PPFIA2: variants seen among roughly 807,000 people sequenced by gnomAD.
The protein encoded by PPFIA2 is liprin-alpha-2.
PPFIA2 carries 46 observed loss-of-function variants against 175.5 expected under a neutral mutation model. The ratio of observed to expected loss-of-function variants is 0.26; its 90% CI spans 0.21 to 0.34. PPFIA2 has a LOEUF of 0.34. Ranked by LOEUF, PPFIA2 falls within the 10% of genes least tolerant of loss-of-function variation. The probability of loss-of-function intolerance (pLI) is 1.00; values close to 1 mark genes in which losing one functional copy is unlikely to be tolerated. For missense variants in PPFIA2, 1,179 were observed against 1,506.1 expected, an observed-to-expected ratio of 0.78 and a Z score of 3.60; for synonymous variants, 568 against 511.4, an observed-to-expected ratio of 1.11 and a Z score of -1.49.
intron 4 of PPFIA2, among the ~76,000 whole-genome samples, chr12:81,484,046 T>C (rs929191153): frequency 1.3e-5 from 2 of 151,986 alleles, no homozygotes; most frequent in Non-Finnish European, 2.9e-5. Flanking sequence ...GCTGTATTCT[T>C]AAAGGACACT....
chr12:81,365,699 T>C (rs1175380894), intron 14 of PPFIA2, among the ~76,000 whole-genome samples: 1 of 151,730 alleles, frequency 6.6e-6, no homozygotes, highest in East Asian at 1.9e-4. Flanking sequence ...TTTATGAAGA[T>C]CATATATGTC....
rs187102557 is a variant in PPFIA2 at position 81,466,514 on chromosome 12, T to C, written c.304-8648A>G. On this transcript the variant is annotated intron_variant, in intron 4 of 32. Coordinates refer to ENST00000549396, the MANE Select transcript of PPFIA2 (RefSeq NM_003625.5). ...TGTCTGTCCATCAAGCCATGAATCA[T>C]TCACTATGCTCCTACTGAAACGTAC... Among the ~76,000 whole-genome samples, 425 of 152,282 alleles carry C rather than the reference T, an allele frequency of 2.8e-3. 12 individuals are homozygous for C. The highest frequency in any genetic ancestry group is 0.024 in the Admixed American group (368 of 15,290).
In PPFIA2 at chr12:81,305,854, C is replaced by A. The variant is rs76820936; in HGVS notation, c.2643-6472G>T. ...TTTGTTAGTGTTTATATTTGCAATT[C>A]TGAAAAATGAAATTCATTAGTTACT... On this transcript the variant is annotated intron_variant, in intron 22 of 32. Coordinates refer to ENST00000549396, the MANE Select transcript of PPFIA2 (RefSeq NM_003625.5). 7.9e-3 allele frequency among the ~76,000 whole-genome samples: 1,197 copies of A among 152,252 alleles called. 75 individuals are homozygous for A. The East Asian group carries it at 0.15, about 20-fold the overall frequency.
chr12:81,674,326 T>C (rs1014588768), intron 4 of PPFIA2, among the ~76,000 whole-genome samples: 5 of 152,088 alleles, frequency 3.3e-5, no homozygotes, highest in Non-Finnish European at 7.4e-5. Context: ...AACATCATCA[T>C]AGAATGGTTT....
intron 3 of PPFIA2, among the ~76,000 whole-genome samples, chr12:81,739,221 A>T (rs2082034337): frequency 6.6e-6 from 1 of 152,048 alleles, no homozygotes; most frequent in Non-Finnish European, 1.5e-5. Context: ...AAAAAAACAA[A>T]TTAAATATAT....
At chr12:81,624,301 T>C (rs1052120435) in intron 4 of PPFIA2, among the ~76,000 whole-genome samples, 2 of 151,244 alleles carry the variant, frequency 1.3e-5, no homozygotes, top group Admixed American at 1.3e-4. Flanking sequence ...TCCTTAATTA[T>C]TAACTTCTTA....
chr12:81,557,754 C>T (rs2069155600), intron 4 of PPFIA2, among the ~76,000 whole-genome samples: 1 of 152,062 alleles, frequency 6.6e-6, no homozygotes, highest in Non-Finnish European at 1.5e-5. Flanking sequence ...GAGTTAAATA[C>T]TTTCAGATTA....
intron 4 of PPFIA2, among the ~76,000 whole-genome samples, chr12:81,589,849 T>C (rs1470132593): frequency 6.6e-6 from 1 of 152,084 alleles, no homozygotes. Context: ...TCTGTTCTCG[T>C]CCAAATCCCA....
At chr12:81,362,191 T>A (rs1482266510) in intron 15 of PPFIA2, among the ~76,000 whole-genome samples, 1 of 151,234 alleles carries the variant, frequency 6.6e-6, no homozygotes, top group Non-Finnish European at 1.5e-5. Context: ...TTTCCTCTTT[T>A]TTTTTTTTGC....
chr12:81,587,228 G>A (rs545995176), intron 4 of PPFIA2, among the ~76,000 whole-genome samples: 26 of 152,062 alleles, frequency 1.7e-4, no homozygotes, highest in Non-Finnish European at 3.1e-4. Flanking sequence ...CCCATGTGTC[G>A]AGGGAGGGGA....
chr12:81,613,852 T>C (rs1192629230), intron 4 of PPFIA2, among the ~76,000 whole-genome samples: 2 of 152,148 alleles, frequency 1.3e-5, no homozygotes, highest in Non-Finnish European at 2.9e-5. Context: ...TTAATATTAA[T>C]TATCTCATTA....
intron 4 of PPFIA2, among the ~76,000 whole-genome samples, chr12:81,625,172 A>G (rs2062554228): frequency 6.6e-6 from 1 of 151,802 alleles, no homozygotes; most frequent in African/African-American, 2.4e-5. Flanking sequence ...TATCTGTATG[A>G]CTACATAAGT....
At chr12:81,619,015 T>A (rs1372051798) in intron 4 of PPFIA2, among the ~76,000 whole-genome samples, 1 of 152,238 alleles carries the variant, frequency 6.6e-6, no homozygotes, top group Non-Finnish European at 1.5e-5. Flanking sequence ...AAATGCTCTA[T>A]CTACATTATT....
intron 22 of PPFIA2, among the ~76,000 whole-genome samples, chr12:81,303,217 A>G (rs2048302604): frequency 6.6e-6 from 1 of 152,282 alleles, no homozygotes; most frequent in East Asian, 1.9e-4. Flanking sequence ...CCCCAGTACA[A>G]ATTTAACTAT....
intron 4 of PPFIA2, among the ~76,000 whole-genome samples, chr12:81,487,814 C>A (rs540279327): frequency 6.6e-6 from 1 of 151,404 alleles, no homozygotes; most frequent in African/African-American, 2.4e-5. Flanking sequence ...AAAAAGCTGA[C>A]AAAACTATAT....
At chr12:81,744,420 CTTTTTTTT>C (rs1167414059) in intron 3 of PPFIA2, among the ~76,000 whole-genome samples, 1 of 118,954 alleles carries the variant, frequency 8.4e-6, no homozygotes, top group African/African-American at 3.1e-5. Flanking sequence ...GAAATGCTTT[CTTTTTTTT>C]TTTTTTTTTT....
chr12:81,348,997 T>C (rs1044073641), intron 17 of PPFIA2, among the ~76,000 whole-genome samples: 11 of 152,308 alleles, frequency 7.2e-5, no homozygotes, highest in African/African-American at 2.6e-4. Flanking sequence ...TCTTTTTACA[T>C]ATTTAGAATG....
chr12:81,282,193 C>T (rs1052028909), intron 26 of PPFIA2, among the ~76,000 whole-genome samples: 2 of 151,970 alleles, frequency 1.3e-5, no homozygotes, highest in Non-Finnish European at 2.9e-5. Flanking sequence ...TTTAAAAGAA[C>T]TATTACTCTC....
At chr12:81,540,047 C>G (rs1567242085) in intron 4 of PPFIA2, among the ~76,000 whole-genome samples, 1 of 151,286 alleles carries the variant, frequency 6.6e-6, no homozygotes, top group Non-Finnish European at 1.5e-5. Flanking sequence ...TGTGGAAAAA[C>G]AGAGAGAGAG....
Sources: allele counts gnomAD v4.1 joint callset (sites outside exome capture counted in the v4.1 genomes callset), GRCh38; gene constraint gnomAD v4.1.1; transcripts MANE v1.5; gene names NCBI Gene and HGNC (gene_info 2026-07-23, HGNC 2026-07-21).